TRAPPC12: variants seen among roughly 807,000 people sequenced by gnomAD.
The protein encoded by TRAPPC12 is trafficking protein particle complex subunit 12, also known as TPR repeat protein 15.
A neutral mutation model predicts 69.2 loss-of-function variants in TRAPPC12; 61 were observed. The ratio of observed to expected loss-of-function variants is 0.88; its 90% CI spans 0.72 to 1.09. The LOEUF (loss-of-function observed/expected upper bound fraction) is 1.09, where lower values mean the gene tolerates loss of function less well. Ranked by LOEUF, TRAPPC12 falls within the 50% of genes least tolerant of loss-of-function variation. The probability of loss-of-function intolerance (pLI) is 0.00; values close to 1 mark genes in which losing one functional copy is unlikely to be tolerated. For synonymous variants in TRAPPC12, 469 were observed against 438.9 expected (o/e 1.07, Z -0.86); for missense variants, 1,101 against 1,016.4 (o/e 1.08, Z -1.13).
chr2:3,380,425 C>G (rs4854187), intron 1 of TRAPPC12, among the ~76,000 whole-genome samples: 62,316 of 152,112 alleles, frequency 0.41, 13,413 homozygotes, highest in Admixed American at 0.49. Context: ...CTGTGAAGAC[C>G]GAAAAAGCGT....
At chr2:3,386,942 G>A (rs920419640) in intron 1 of TRAPPC12, among the ~76,000 whole-genome samples, 3 of 152,098 alleles carry the variant, frequency 2.0e-5, no homozygotes, top group Non-Finnish European at 4.4e-5. Context: ...AATGACAAAC[G>A]GTTCAGCCAC....
intron 4 of TRAPPC12, among the ~76,000 whole-genome samples, chr2:3,423,338 G>GTA (rs1183164225): frequency 1.3e-5 from 2 of 151,946 alleles, no homozygotes; most frequent in Non-Finnish European, 1.5e-5. Context: ...GTGTGTGTGT[G>GTA]TGTGTGTGTG....
chr2:3,407,919 A>G (rs1661818788), intron 3 of TRAPPC12, among the ~76,000 whole-genome samples: 1 of 152,216 alleles, frequency 6.6e-6, no homozygotes, highest in Non-Finnish European at 1.5e-5. Context: ...AATTTCAAAT[A>G]GCAGACGGCA....
chr2:3,416,170 C>T (rs530454656), intron 3 of TRAPPC12, among the ~76,000 whole-genome samples: 1 of 152,270 alleles, frequency 6.6e-6, no homozygotes, highest in African/African-American at 2.4e-5. Flanking sequence ...GGACATACCT[C>T]CTCTTAGGTG....
At chr2:3,379,970 G>A (rs12992865) in intron 1 of TRAPPC12, 94 bp downstream of exon 1, 66,407 of 152,412 alleles carry the variant, frequency 0.44, 14,805 homozygotes, top group Admixed American at 0.5. Flanking sequence ...AGCCCGGAGG[G>A]ACCTTCTCTG....
intron 2 of TRAPPC12, among the ~76,000 whole-genome samples, chr2:3,398,391 T>C (rs1243942680): frequency 6.6e-6 from 1 of 152,168 alleles, no homozygotes; most frequent in Non-Finnish European, 1.5e-5. Context: ...TTAATTGTTG[T>C]GGTTTTTTTG....
chr2:3,461,837 C>T (rs1180544267), intron 8 of TRAPPC12, among the ~76,000 whole-genome samples: 1 of 152,010 alleles, frequency 6.6e-6, no homozygotes, highest in Non-Finnish European at 1.5e-5. Context: ...CTGGTGGCCT[C>T]TTCACCACCC....
intron 2 of TRAPPC12, 46 bp from the exon 3 acceptor site, chr2:3,401,731 G>C: frequency 7.4e-7 from 1 of 1,358,164 alleles, no homozygotes. Context: ...GCTGAGTTTA[G>C]TTGACATTTT....
intron 6 of TRAPPC12, among the ~76,000 whole-genome samples, chr2:3,447,497 C>A (rs1171051695): frequency 1.3e-5 from 2 of 152,064 alleles, no homozygotes; most frequent in Non-Finnish European, 2.9e-5. Flanking sequence ...AGGCACCAGA[C>A]TTTTTTTGAC....
intron 6 of TRAPPC12, among the ~76,000 whole-genome samples, chr2:3,444,675 A>C (rs1341311828): frequency 6.6e-6 from 1 of 152,250 alleles, no homozygotes; most frequent in South Asian, 2.1e-4. Context: ...TCTTCTTGTC[A>C]GATTCCTCCT....
rs943254437 is a variant in TRAPPC12, at chr2:3,443,901, G to A, written c.1530+10G>A. On this transcript the variant is annotated intron_variant, in intron 6 of 11. Coordinates refer to ENST00000324266, the MANE Select transcript of TRAPPC12 (RefSeq NM_016030.6). ...GACTGTCTGCAGCAAGGTAGGTGGC[G>A]CTGTCATTCTTCCCTGCCACGGGGA... 5 of 1,603,814 alleles carry A rather than the reference G, an allele frequency of 3.1e-6. No homozygotes were observed. Among genetic ancestry groups the A allele is most frequent in the Middle Eastern group, 1.6e-4 (1 of 6,074 alleles).
intron 3 of TRAPPC12, among the ~76,000 whole-genome samples, chr2:3,417,183 C>T (rs988339399): frequency 1.2e-4 from 19 of 152,220 alleles, no homozygotes; most frequent in Non-Finnish European, 2.1e-4. Flanking sequence ...TAAAACCCAG[C>T]TCATCTGCCT....
intron 5 of TRAPPC12, among the ~76,000 whole-genome samples, chr2:3,443,184 T>A (rs1410755394): frequency 6.6e-6 from 1 of 152,206 alleles, no homozygotes; most frequent in Non-Finnish European, 1.5e-5. Flanking sequence ...ATTTTTCAAG[T>A]CCAGCTCCCT....
intron 4 of TRAPPC12, among the ~76,000 whole-genome samples, chr2:3,424,029 G>T (rs1401502811): frequency 6.6e-6 from 1 of 152,066 alleles, no homozygotes; most frequent in Non-Finnish European, 1.5e-5. Context: ...ACCCATCCCT[G>T]CGCTTCCTCT....
intron 2 of TRAPPC12, among the ~76,000 whole-genome samples, chr2:3,396,807 A>AT (rs1201202623): frequency 6.6e-6 from 1 of 151,426 alleles, no homozygotes; most frequent in Non-Finnish European, 1.5e-5. Context: ...TTCTTTTATC[A>AT]TTTTCAAGCT....
At chr2:3,385,970 G>GA (rs1044824723) in intron 1 of TRAPPC12, among the ~76,000 whole-genome samples, 36 of 151,708 alleles carry the variant, frequency 2.4e-4, no homozygotes, top group Admixed American at 5.9e-4. Flanking sequence ...AACATGGCAG[G>GA]AAAAAAAACG....
Position 3,477,788 on chromosome 2 carries a change from A to G in TRAPPC12, c.1870A>G (p.Met624Val). Residue 624 changes from methionine to valine, a missense_variant, in exon 10 of 12, where the codon ATG (methionine) becomes GTG (valine). Transcript: ENST00000324266. ...ACTACAGGGTAAAATCATGGTTTTG[A>G]TGAACAGGTAAATATTTTAAAACTA... ...DGLQGKIMVLMNSAFLHLGQN... is the reference protein window; with the variant it reads ...DGLQGKIMVLVNSAFLHLGQN... 6.3e-7 allele frequency: 1 copy of G among 1,582,866 alleles called. No individual in the cohort carries two copies. Among genetic ancestry groups the G allele is most frequent in the Non-Finnish European group, 8.6e-7 (1 of 1,162,414 alleles).
chr2:3,427,519 G>A (rs1326276118), intron 5 of TRAPPC12, among the ~76,000 whole-genome samples: 1 of 152,214 alleles, frequency 6.6e-6, no homozygotes, highest in African/African-American at 2.4e-5. Context: ...TACAACACCT[G>A]CTTCTGAATT....
chr2:3,424,460 G>A (rs1662983047), intron 4 of TRAPPC12, 65 bp from the exon 5 acceptor site: 1 of 1,476,940 alleles, frequency 6.8e-7, no homozygotes, highest in Non-Finnish European at 9.2e-7. Flanking sequence ...AACTCATAAG[G>A]AATAGCAAAT....
Sources: gnomAD v4.1 joint callset for allele counts (sites outside exome capture counted in the v4.1 genomes callset) on GRCh38, gnomAD v4.1.1 for gene constraint, MANE v1.5 for transcripts, NCBI Gene and HGNC (gene_info 2026-07-23, HGNC 2026-07-21) for gene names.